The following TRRAP variants were observed in gnomAD, a reference collection of about 807,000 sequenced individuals.
TRRAP encodes transformation/transcription domain associated protein, also known as transformation/transcription domain-associated protein.
A neutral mutation model predicts 438.8 loss-of-function variants in TRRAP; 41 were observed. The ratio of observed to expected loss-of-function variants is 0.09; its 90% CI spans 0.07 to 0.12. The LOEUF is 0.12. Ranked by LOEUF, TRRAP falls within the 10% of genes least tolerant of loss-of-function variation. The probability of loss-of-function intolerance (pLI) is 1.00; values close to 1 mark genes in which losing one functional copy is unlikely to be tolerated. For missense variants in TRRAP, 3,122 were observed against 5,055.1 expected (o/e 0.62, Z 11.60); for synonymous variants, 1,994 against 1,962.9 (o/e 1.02, Z -0.42).
At position 99,011,429 on chromosome 7, in the gene TRRAP, G is replaced by A; in HGVS notation, c.11231G>A (p.Arg3744Gln). ...DLDANRPVPF[R>Q]LTPNISEFLT... is the part of the protein sequence containing the mutation. The stretch of plus-strand genomic sequence containing the variant: ...GATGCCAACCGTCCTGTCCCATTTC[G>A]ACTCACGCCCAACATTTCTGAGTTT... Residue 3744 changes from arginine to glutamine, a missense_variant, in exon 72 of 73, where the codon CGA becomes CAA. Coordinates refer to ENST00000456197, the MANE Select transcript of TRRAP (RefSeq NM_001375524.1). The surrounding 1 kb of genome is among the most constrained non-coding windows in gnomAD (Gnocchi z 7.1). The A allele has an allele frequency of 6.2e-7, 1 of 1,614,200 alleles. No individual in the cohort carries two copies. The highest frequency in any genetic ancestry group is 8.5e-7 in the Non-Finnish European group (1 of 1,180,042).
At chr7:99,003,632 G>A (rs1308736644) in intron 67 of TRRAP, among the ~76,000 whole-genome samples, 2 of 152,198 alleles carry the variant, frequency 1.3e-5, no homozygotes, top group African/African-American at 4.8e-5. Flanking sequence ...GTGGGGTTGG[G>A]GATGGGGTTT....
Position 98,956,596 on chromosome 7 carries a change from C to CT in TRRAP, c.6231+64dup. ...TGCTGGGAGTTGGTTCGTTTATTCCCTATATTTAGAATGTGAGCTCGGTGC... is the reference window on the plus strand; with the variant it reads ...TGCTGGGAGTTGGTTCGTTTATTCCCTTATATTTAGAATGTGAGCTCGGTGC... On this transcript the variant is annotated intron_variant, in intron 43 of 72. Coordinates refer to ENST00000456197, the MANE Select transcript of TRRAP (RefSeq NM_001375524.1). This position sits in a 1 kb window ranked among gnomAD's most constrained non-coding sequence, Gnocchi z 4.5. 1 of 1,561,734 alleles carries CT rather than the reference C, an allele frequency of 6.4e-7. No homozygotes were observed.
chr7:98,911,368 TAGCCA>T (rs1789258536), intron 17 of TRRAP, 97 bp downstream of exon 17: 1 of 1,236,612 alleles, frequency 8.1e-7, no homozygotes, highest in African/African-American at 1.5e-5. Flanking sequence ...AAAAATAATG[TAGCCA>T]AGGATGTGCT....
chr7:98,993,867 A>G, intron 66 of TRRAP, 130 bp downstream of exon 66: 2 of 883,920 alleles, frequency 2.3e-6, no homozygotes, highest in African/African-American at 1.7e-5. Context: ...GAACTTAACC[A>G]TGGACCAGGC....
Position 98,910,217 on chromosome 7 carries a change from T to TTCCCCCCCCC in TRRAP, c.1512_1513insTCCCCCCCCC (p.Ala505SerfsTer71). 1 of 1,045,580 alleles carries TTCCCCCCCCC rather than the reference T, an allele frequency of 9.6e-7. No individual in the cohort carries two copies. The highest frequency in any genetic ancestry group is 4.3e-5 in the East Asian group (1 of 23,306). The allele number at this position is 1,045,580 out of a possible 1,614,324, so 64.8% of individuals were successfully genotyped here. On this transcript the variant is annotated frameshift_variant, in exon 15 of 73. Coordinates refer to ENST00000456197, the MANE Select transcript of TRRAP (RefSeq NM_001375524.1). LOFTEE classifies it high-confidence loss of function. ...CTGCTCCCTCCCCAGCCCCTGTCCC[T>TTCCCCCCCCC]GCCCCACCTCCACCCCCGCCCCCAC...
chr7:98,961,190 C>G, intron 45 of TRRAP, 71 bp from the exon 46 acceptor site: 6 of 1,521,946 alleles, frequency 3.9e-6, no homozygotes, highest in Non-Finnish European at 5.5e-6. Flanking sequence ...TTTTGCCAGA[C>G]TCTTGTTTCT....
rs1023687165 is a variant in TRRAP, at chr7:99,005,773, G to A, written c.10753+425G>A. Among the ~76,000 whole-genome samples, 20 of 151,890 alleles carry A rather than the reference G, an allele frequency of 1.3e-4. No homozygotes were observed. Among genetic ancestry groups the A allele is most frequent in the African/African-American group, 4.8e-4 (20 of 41,340 alleles). On this transcript the variant is annotated intron_variant, in intron 69 of 72. Transcript: ENST00000456197. The surrounding 1 kb of genome is among the most constrained non-coding windows in gnomAD (Gnocchi z 5.1). The stretch of plus-strand genomic sequence containing the variant: ...AATTCTTCCAATGTGGCCCAGGGAA[G>A]CCAAAAGATTGGACATCCCTGTTCT...
chr7:98,938,156 C>A (rs1047282309), intron 30 of TRRAP, among the ~76,000 whole-genome samples: 1 of 152,038 alleles, frequency 6.6e-6, no homozygotes, highest in African/African-American at 2.4e-5. Context: ...GCCTGGGCAA[C>A]GAGTGAAACT....
Position 98,911,078 on chromosome 7 carries a change from T to C in TRRAP, c.1814T>C (p.Val605Ala). The C allele has an allele frequency of 6.2e-7, 1 of 1,613,698 alleles. No homozygotes were observed. Reference protein sequence around the residue: ...YAMQALDIYQVQIAGNGQTYI... With the variant: ...YAMQALDIYQAQIAGNGQTYI... ...GGCGGCTTTTTTCCCCTGTATTAGG[T>C]CCAGATAGCAGGAAATGGACAGACA... The change falls in exon 17 of 73, where the codon GTC (valine) becomes GCC (alanine). Residue 605 changes from valine to alanine, a missense_variant and splice_region_variant. Transcript: ENST00000456197.
chr7:99,008,212 T>C (rs1238647602), intron 69 of TRRAP, among the ~76,000 whole-genome samples, 165 bp from the exon 70 acceptor site: 1 of 152,196 alleles, frequency 6.6e-6, no homozygotes, highest in African/African-American at 2.4e-5. Flanking sequence ...CCTCATGCCA[T>C]CTGTTGAGCA....
chr7:99,012,633 T>C lies in TRRAP; in HGVS notation c.*278T>C. The C allele has an allele frequency of 2.2e-6, 1 of 459,032 alleles. No individual in the cohort carries two copies. Among genetic ancestry groups the C allele is most frequent in the East Asian group, 3.9e-5 (1 of 25,386 alleles). 28.4% of individuals were successfully genotyped at this position (459,032 alleles called of 1,614,324 possible). On this transcript the variant is annotated 3_prime_UTR_variant, in exon 73 of 73. Transcript: ENST00000456197. This position sits in a 1 kb window ranked among gnomAD's most constrained non-coding sequence, Gnocchi z 5.9. ...CTTTTAAGAAGCCAGGATTCTCCGG[T>C]CTGGAATTTCTGAGTGAGTCCTTTT... is the stretch of plus-strand genomic sequence containing the variant.
intron 43 of TRRAP, 95 bp from the exon 44 acceptor site, chr7:98,957,885 AG>A (rs1429575526): frequency 9.3e-6 from 9 of 968,792 alleles, no homozygotes; most frequent in African/African-American, 1.6e-5. Context: ...TGTCCCCGGG[AG>A]GTACCGCATA....
chr7:98,937,260 G>GA lies in TRRAP; in HGVS notation c.4218dup (p.Ala1407SerfsTer55). 6.2e-7 allele frequency: 1 copy of GA among 1,613,104 alleles called. No individual in the cohort carries two copies. The highest frequency in any genetic ancestry group is 8.5e-7 in the Non-Finnish European group (1 of 1,179,382). On this transcript the variant is annotated frameshift_variant, in exon 29 of 73. Transcript: ENST00000456197. LOFTEE classifies it high-confidence loss of function. The stretch of plus-strand genomic sequence containing the variant: ...CAATAGTGAGCTCCAAGAGGCCGGA[G>GA]AAGCCTGTATGAGAAAGGTGAGTGT...
chr7:98,977,194 C>T, intron 56 of TRRAP, 118 bp downstream of exon 56: 1 of 1,425,234 alleles, frequency 7.0e-7, no homozygotes, highest in African/African-American at 1.4e-5. Flanking sequence ...TGGAGTCTTG[C>T]TCTGTCGCCC....
intron 43 of TRRAP, among the ~76,000 whole-genome samples, chr7:98,957,754 T>C (rs1791688214): frequency 1.3e-5 from 2 of 152,204 alleles, no homozygotes; most frequent in African/African-American, 4.8e-5. Context: ...CGCACTTTTG[T>C]TCCCCATCAC....
At chr7:99,003,979 A>G (rs1794053700) in intron 67 of TRRAP, among the ~76,000 whole-genome samples, 1 of 152,204 alleles carries the variant, frequency 6.6e-6, no homozygotes, top group Admixed American at 6.5e-5. Flanking sequence ...AGGCTGAGGC[A>G]GGAGAATCAC....
intron 21 of TRRAP, among the ~76,000 whole-genome samples, chr7:98,922,594 C>T (rs991809917): frequency 1.3e-5 from 2 of 152,104 alleles, no homozygotes; most frequent in South Asian, 2.1e-4. Flanking sequence ...ACTCTGTCAC[C>T]AGTCCTTCCC....
chr7:98,964,844 G>T, intron 48 of TRRAP, 69 bp downstream of exon 48: 4 of 1,508,824 alleles, frequency 2.7e-6, no homozygotes, highest in Non-Finnish European at 2.7e-6. Flanking sequence ...TGTTGTGCAG[G>T]CTGGGGCTGA....
intron 39 of TRRAP, 73 bp downstream of exon 39, chr7:98,951,077 G>GTGTGTT: frequency 1.5e-6 from 2 of 1,307,986 alleles, no homozygotes; most frequent in East Asian, 5.5e-5. Context: ...GTGTGTGTGT[G>GTGTGTT]TGTGTGTGTG....
Sources: allele counts gnomAD v4.1 joint callset (sites outside exome capture counted in the v4.1 genomes callset), GRCh38; gene constraint gnomAD v4.1.1; non-coding constraint Gnocchi (gnomAD v3.1); transcripts MANE v1.5; gene names NCBI Gene and HGNC (gene_info 2026-07-23, HGNC 2026-07-21).